Variants in ADAMTS20 observed in about 807,000 individuals in gnomAD.
ADAMTS20 encodes the protein A disintegrin and metalloproteinase with thrombospondin motifs 20.
In ADAMTS20, 225 loss-of-function variants were observed where a neutral mutation model predicts 260.1. That is an observed-to-expected ratio of 0.87 (90% CI 0.78 to 0.97). The LOEUF (loss-of-function observed/expected upper bound fraction) is 0.97, where lower values mean the gene tolerates loss of function less well. Ranked by LOEUF, ADAMTS20 falls within the 50% of genes least tolerant of loss-of-function variation. The pLI, the probability that ADAMTS20 is intolerant of heterozygous loss-of-function variation, is 0.00. For synonymous variants in ADAMTS20, 802 were observed against 769.5 expected (o/e 1.04, Z -0.70); for missense variants, 2,400 against 2,337.7 (o/e 1.03, Z -0.55).
intron 2 of ADAMTS20, among the ~76,000 whole-genome samples, chr12:43,546,989 T>C (rs1303744073): frequency 6.6e-6 from 1 of 152,110 alleles, no homozygotes; most frequent in Non-Finnish European, 1.5e-5. Context: ...TCAAAATACT[T>C]AGGAAAAAAA....
chr12:43,393,067 T>TA (rs1382527652), intron 29 of ADAMTS20, among the ~76,000 whole-genome samples: 1 of 152,016 alleles, frequency 6.6e-6, no homozygotes, highest in East Asian at 1.9e-4. Flanking sequence ...CAAAGGCACC[T>TA]AAAATGTAAC....
intron 7 of ADAMTS20, among the ~76,000 whole-genome samples, chr12:43,470,964 CT>C (rs1442144766): frequency 6.6e-6 from 1 of 152,140 alleles, no homozygotes; most frequent in Non-Finnish European, 1.5e-5. Context: ...ATTCAAATAC[CT>C]TAACTATCGG....
rs1228606046 is a variant in ADAMTS20 at position 43,550,948 on chromosome 12, C to T, written c.414G>A (p.Gln138=). The change falls in exon 2 of 39, where the codon CAG becomes CAA. Residue 138 remains glutamine, a synonymous_variant. Coordinates refer to ENST00000389420, the MANE Select transcript of ADAMTS20 (RefSeq NM_025003.5). ...AGCTGACGACGGCCTTGTAATCCTC[C>T]TGTGAGTTGACCTGGCCGCGGTAGA... ...HCFYRGQVNS[Q]EDYKAVVSLC... 2 of 1,595,668 alleles carry T rather than the reference C, an allele frequency of 1.3e-6. No individual in the cohort carries two copies.
At position 43,440,049 on chromosome 12, in the gene ADAMTS20, T is replaced by G; in HGVS notation, c.2311A>C (p.Asn771His). 6.4e-7 allele frequency: 1 copy of G among 1,557,566 alleles called. No individual in the cohort carries two copies. The highest frequency in any genetic ancestry group is 8.7e-7 in the Non-Finnish European group (1 of 1,150,186). Residue 771 changes from asparagine to histidine, a missense_variant, in exon 17 of 39, where the codon AAT (asparagine) becomes CAT (histidine). Asn to His is a moderately conservative substitution (Grantham distance 68). Coordinates refer to ENST00000389420, the MANE Select transcript of ADAMTS20 (RefSeq NM_025003.5). ...SYLALSDAEG[N>H]FLFNGNFLLS... ...AGAAAATTTCCATTGAAAAGAAAAT[T>G]CCCTTCAGCGTCAGATAATGCTGTA...
chr12:43,354,196 C>T lies in ADAMTS20; in HGVS notation c.*13G>A. 1 of 1,548,062 alleles carries T rather than the reference C, an allele frequency of 6.5e-7. No homozygotes were observed. Among genetic ancestry groups the T allele is most frequent in the Non-Finnish European group, 8.8e-7 (1 of 1,136,524 alleles). ...TATCCCCTCTTTAGGGCATACTTCC[C>T]CCTTCTAAATGTTCATATGACTTGA... On this transcript the variant is annotated 3_prime_UTR_variant, in exon 39 of 39. Coordinates refer to ENST00000389420, the MANE Select transcript of ADAMTS20 (RefSeq NM_025003.5).
intron 12 of ADAMTS20, among the ~76,000 whole-genome samples, chr12:43,452,980 A>G (rs973423825): frequency 6.6e-6 from 1 of 152,194 alleles, no homozygotes; most frequent in African/African-American, 2.4e-5. Flanking sequence ...TAAACTTCCA[A>G]AAAAGGGTTT....
intron 29 of ADAMTS20, among the ~76,000 whole-genome samples, chr12:43,392,752 G>A (rs1265605223): frequency 6.6e-6 from 1 of 151,914 alleles, no homozygotes; most frequent in Non-Finnish European, 1.5e-5. Context: ...GAATCATTCT[G>A]GTTCTGTGAT....
At chr12:43,383,455 G>T in intron 31 of ADAMTS20, 103 bp downstream of exon 31, 1 of 1,134,002 alleles carries the variant, frequency 8.8e-7, no homozygotes, top group Non-Finnish European at 1.2e-6. Flanking sequence ...ACCATCATCT[G>T]CCCTCATATT....
chr12:43,487,412 T>C lies in ADAMTS20; in HGVS notation c.1117+2983A>G, dbSNP rs1435463751. Among the ~76,000 whole-genome samples, 2 of 119,882 alleles carry C rather than the reference T, an allele frequency of 1.7e-5. 1 individual carries two copies. The highest frequency in any genetic ancestry group is 6.4e-5 in the African/African-American group (2 of 31,198). The allele number at this position is 119,882 out of a possible 152,430, so 78.6% of individuals were successfully genotyped here. On this transcript the variant is annotated intron_variant, in intron 7 of 38. Coordinates refer to ENST00000389420, the MANE Select transcript of ADAMTS20 (RefSeq NM_025003.5). ...GAGTGGCACAATGGACACTGGAAGC[T>C]CGGAAGAGGGAAGAGTGGGAGGGTG...
At chr12:43,365,637 A>C (rs1450723500) in intron 37 of ADAMTS20, among the ~76,000 whole-genome samples, 1 of 151,956 alleles carries the variant, frequency 6.6e-6, no homozygotes, top group Non-Finnish European at 1.5e-5. Flanking sequence ...CAATTGCTCT[A>C]TCTTCTCTCA....
At chr12:43,549,786 C>T (rs1222984196) in intron 2 of ADAMTS20, among the ~76,000 whole-genome samples, 1 of 152,126 alleles carries the variant, frequency 6.6e-6, no homozygotes, top group African/African-American at 2.4e-5. Context: ...TAAAAAACAA[C>T]TCAAGATAAT....
At chr12:43,497,869 T>A (rs1592097915) in intron 4 of ADAMTS20, among the ~76,000 whole-genome samples, 5 of 152,136 alleles carry the variant, frequency 3.3e-5, no homozygotes, top group Admixed American at 3.3e-4. Flanking sequence ...ATGAATATTA[T>A]AGAGTCAAAC....
Position 43,377,239 on chromosome 12 carries a change from G to A in ADAMTS20, c.4995+126C>T, listed in dbSNP as rs1940249282. 4.3e-6 allele frequency: 3 copies of A among 703,850 alleles called. 1 individual carries two copies. Among genetic ancestry groups the A allele is most frequent in the African/African-American group, 3.6e-5 (2 of 55,876 alleles). The allele number at this position is 703,850 out of a possible 1,614,324, so 43.6% of individuals were successfully genotyped here. A position where few individuals can be genotyped will look rare whatever the true frequency, so the allele number is the denominator to read the frequency against. On this transcript the variant is annotated intron_variant, in intron 32 of 38. Transcript: ENST00000389420. ...TATTTATATAAATAACTGGTAATGT[G>A]GATTTTAGAAAATAGTGGTCTGAGG...
intron 37 of ADAMTS20, among the ~76,000 whole-genome samples, chr12:43,358,951 G>A (rs1205090054): frequency 7.2e-6 from 1 of 138,650 alleles, no homozygotes; most frequent in African/African-American, 3.0e-5. Flanking sequence ...GTGAATAAGT[G>A]TGTTAATTCC....
intron 7 of ADAMTS20, among the ~76,000 whole-genome samples, chr12:43,481,253 C>G (rs534222067): frequency 1.3e-5 from 2 of 152,102 alleles, no homozygotes; most frequent in Admixed American, 6.5e-5. Flanking sequence ...TAATGGAACA[C>G]TAGGCCTAAA....
intron 11 of ADAMTS20, among the ~76,000 whole-genome samples, chr12:43,457,410 T>A (rs892202577): frequency 4.6e-5 from 7 of 152,180 alleles, no homozygotes; most frequent in Admixed American, 6.5e-5. Flanking sequence ...GGCTCATATC[T>A]TGGTTTTTTA....
chr12:43,466,835 A>T (rs748117379), intron 8 of ADAMTS20, 40 bp from the exon 9 acceptor site: 1 of 1,423,378 alleles, frequency 7.0e-7, no homozygotes, highest in Admixed American at 1.9e-5. Flanking sequence ...ATATCAAAAG[A>T]TGCTTACGAT....
In ADAMTS20 at chr12:43,551,036, A is replaced by C; in HGVS notation, c.326T>G (p.Leu109Trp). ...CCAGGCCCCGCGCTCCGGGGTTCCC[A>C]AGTGCACCTCGGTGTAGCCGGCGGC... ...FLAAGYTEVH[L>W]GTPERGAWES... is the part of the protein sequence containing the mutation. The change falls in exon 2 of 39, where the codon TTG (leucine) becomes TGG (tryptophan). Residue 109 changes from leucine (L) to tryptophan (W), a missense_variant. By Grantham distance (61) the Leu-to-Trp change is moderately conservative. Transcript: ENST00000389420. This position sits in a 1 kb window ranked among gnomAD's most constrained non-coding sequence, Gnocchi z 4.6. 6.2e-7 allele frequency: 1 copy of C among 1,613,366 alleles called. No homozygotes were observed. Among genetic ancestry groups the C allele is most frequent in the South Asian group, 1.1e-5 (1 of 91,000 alleles).
intron 28 of ADAMTS20, among the ~76,000 whole-genome samples, chr12:43,408,074 G>A: frequency 6.6e-6 from 1 of 152,058 alleles, no homozygotes; most frequent in African/African-American, 2.4e-5. Context: ...AAAATGGTAT[G>A]GTTAATATGA....
Sources: gnomAD v4.1 joint callset for allele counts (sites outside exome capture counted in the v4.1 genomes callset) on GRCh38, gnomAD v4.1.1 for gene constraint, Gnocchi (gnomAD v3.1) non-coding constraint, MANE v1.5 for transcripts, NCBI Gene and HGNC (gene_info 2026-07-23, HGNC 2026-07-21) for gene names.